The following GMPR variants were observed in gnomAD, a reference collection of about 807,000 sequenced individuals.
GMPR encodes the protein guanosine monophosphate reductase.
GMPR carries 31 observed loss-of-function variants against 38.4 expected under a neutral mutation model. The ratio of observed to expected loss-of-function variants is 0.81; its 90% CI spans 0.61 to 1.09. GMPR has a LOEUF of 1.09. Among genes scored for constraint, GMPR ranks in the 50% least tolerant of loss-of-function variants. GMPR has a pLI of 0.00. For missense variants in GMPR, 468 were observed against 453.7 expected, an observed-to-expected ratio of 1.03 and a Z score of -0.29; for synonymous variants, 162 against 173.3, an observed-to-expected ratio of 0.93 and a Z score of 0.51.
intron 2 of GMPR, among the ~76,000 whole-genome samples, chr6:16,249,776 C>T (rs899479829): frequency 8.5e-5 from 13 of 152,212 alleles, no homozygotes; most frequent in African/African-American, 1.9e-4. Context: ...TAATTCCCAC[C>T]GGCAAGATTT....
At chr6:16,289,274 A>G (rs1054597813) in intron 7 of GMPR, among the ~76,000 whole-genome samples, 2 of 152,226 alleles carry the variant, frequency 1.3e-5, no homozygotes, top group African/African-American at 4.8e-5. Flanking sequence ...CTATGGCTTC[A>G]TTCTTGAAGT....
In GMPR at chr6:16,295,145, T is replaced by G; in HGVS notation, c.997T>G (p.Phe333Val). 1 of 1,559,288 alleles carries G rather than the reference T, an allele frequency of 6.4e-7. No individual in the cohort carries two copies. The highest frequency in any genetic ancestry group is 8.6e-7 in the Non-Finnish European group (1 of 1,159,306). ...KLKELSRRAT[F>V]IRVTQQHNTV... ...CAAGGAGCTCAGCAGGAGGGCAACA[T>G]TCATCCGGGTGACCCAGCAGCACAA... The change falls in exon 9 of 9, where the codon TTC (phenylalanine) becomes GTC (valine). Residue 333 changes from phenylalanine to valine, a missense_variant. By Grantham distance (50) the Phe-to-Val change is conservative (BLOSUM62 -1). Coordinates refer to ENST00000259727, the MANE Select transcript of GMPR (RefSeq NM_006877.4).
intron 1 of GMPR, among the ~76,000 whole-genome samples, chr6:16,246,455 G>GGT (rs939328417): frequency 5.9e-5 from 9 of 152,172 alleles, no homozygotes; most frequent in African/African-American, 1.9e-4. Context: ...CTAGGTGAAA[G>GGT]GTAAGAAGTG....
chr6:16,289,543 C>G lies in GMPR; in HGVS notation c.698-919C>G, dbSNP rs930486439. On this transcript the variant is annotated intron_variant, in intron 7 of 8. Coordinates refer to ENST00000259727, the MANE Select transcript of GMPR (RefSeq NM_006877.4). Reference sequence around the variant, plus strand: ...GCTTCAGTACCTCTGTCTCCTGTGCCTGTCCTGGAAATGTGCTGTCATTCG... The same window carrying G: ...GCTTCAGTACCTCTGTCTCCTGTGCGTGTCCTGGAAATGTGCTGTCATTCG... 1.5e-4 allele frequency: 23 copies of G among 152,398 alleles called. 1 individual carries two copies. The highest frequency in any genetic ancestry group is 5.0e-4 in the African/African-American group (21 of 41,586). The allele number at this position is 152,398 out of a possible 1,614,324, so 9.4% of individuals were successfully genotyped here. A position where few individuals can be genotyped will look rare whatever the true frequency, so the allele number is the denominator to read the frequency against.
At chr6:16,286,634 G>A (rs1439948986) in intron 7 of GMPR, among the ~76,000 whole-genome samples, 2 of 151,960 alleles carry the variant, frequency 1.3e-5, no homozygotes, top group Admixed American at 6.6e-5. Context: ...TTTCAGGCTG[G>A]GTGCGGTGGC....
chr6:16,281,652 G>A (rs771146768), intron 6 of GMPR, among the ~76,000 whole-genome samples: 2 of 149,340 alleles, frequency 1.3e-5, no homozygotes, highest in African/African-American at 2.5e-5. Context: ...TTACAGGCAC[G>A]CGCCACCACG....
intron 4 of GMPR, among the ~76,000 whole-genome samples, chr6:16,266,125 AAC>A (rs1759207900): frequency 1.9e-5 from 1 of 51,744 alleles, no homozygotes; most frequent in Admixed American, 1.7e-4. Context: ...TAAGAGCTGT[AAC>A]ACTTGCCATC....
intron 1 of GMPR, among the ~76,000 whole-genome samples, chr6:16,239,560 G>A (rs1262642312): frequency 6.6e-6 from 1 of 152,252 alleles, no homozygotes; most frequent in East Asian, 1.9e-4. Flanking sequence ...GTGCCCCGGG[G>A]TGGTGTGCGC....
At chr6:16,245,486 C>T (rs1363694622) in intron 1 of GMPR, among the ~76,000 whole-genome samples, 1 of 152,190 alleles carries the variant, frequency 6.6e-6, no homozygotes, top group Non-Finnish European at 1.5e-5. Context: ...ATGACTCTTG[C>T]TGGTGTAATT....
At chr6:16,243,556 T>A (rs950092187) in intron 1 of GMPR, among the ~76,000 whole-genome samples, 1 of 152,238 alleles carries the variant, frequency 6.6e-6, no homozygotes, top group African/African-American at 2.4e-5. Context: ...ACTACAAAGT[T>A]GGAAGACGTC....
chr6:16,263,655 G>A (rs962033414), intron 4 of GMPR, among the ~76,000 whole-genome samples: 18 of 143,990 alleles, frequency 1.3e-4, no homozygotes, highest in Non-Finnish European at 2.6e-4. Context: ...GGGATGGGGT[G>A]CAGAGATAAG....
intron 1 of GMPR, among the ~76,000 whole-genome samples, chr6:16,240,236 G>A (rs1052560697): frequency 1.6e-4 from 25 of 152,138 alleles, no homozygotes; most frequent in Non-Finnish European, 4.4e-5. Context: ...GTAAAATATT[G>A]AACATTAATG....
At chr6:16,256,087 G>C (rs1433693415) in intron 4 of GMPR, among the ~76,000 whole-genome samples, 1 of 151,862 alleles carries the variant, frequency 6.6e-6, no homozygotes, top group Admixed American at 6.6e-5. Context: ...GTGATGGCGG[G>C]TGCCTGTAAT....
intron 4 of GMPR, among the ~76,000 whole-genome samples, chr6:16,267,226 G>C (rs1262478167): frequency 1.3e-5 from 2 of 152,064 alleles, no homozygotes; most frequent in African/African-American, 4.8e-5. Context: ...GAAAAAATTA[G>C]TCGGGTGCAG....
At chr6:16,263,839 G>A (rs1418269898) in intron 4 of GMPR, among the ~76,000 whole-genome samples, 1 of 151,644 alleles carries the variant, frequency 6.6e-6, no homozygotes, top group East Asian at 1.9e-4. Flanking sequence ...AGAGGTCGGG[G>A]CACAGAAATA....
intron 6 of GMPR, among the ~76,000 whole-genome samples, chr6:16,279,704 G>C (rs1759542596): frequency 6.6e-6 from 1 of 152,188 alleles, no homozygotes; most frequent in Admixed American, 6.5e-5. Context: ...ACTGCATCTG[G>C]GGCGAGTGAC....
chr6:16,264,521 G>C (rs1759151797), intron 4 of GMPR: 1 of 153,920 alleles, frequency 6.5e-6, no homozygotes, highest in South Asian at 2.0e-4. Context: ...AACAGGCTTT[G>C]TGTGAGCAAC....
At chr6:16,266,311 A>T (rs1759220949) in intron 4 of GMPR, among the ~76,000 whole-genome samples, 1 of 150,230 alleles carries the variant, frequency 6.7e-6, no homozygotes, top group Non-Finnish European at 1.5e-5. Flanking sequence ...CCATGAACCC[A>T]CGAGGAGGAA....
At chr6:16,278,732 A>C (rs943319704) in intron 5 of GMPR, 52 bp from the exon 6 acceptor site, 3 of 1,223,868 alleles carry the variant, frequency 2.5e-6, no homozygotes, top group Non-Finnish European at 3.6e-6. Flanking sequence ...TTCATGTCAC[A>C]GTCTTCTCAT....
Sources: gnomAD v4.1 joint callset for allele counts (sites outside exome capture counted in the v4.1 genomes callset) on GRCh38, gnomAD v4.1.1 for gene constraint, MANE v1.5 for transcripts, NCBI Gene and HGNC (gene_info 2026-07-23, HGNC 2026-07-21) for gene names.